C11orf65: variants seen among roughly 807,000 people sequenced by gnomAD.
C11orf65 encodes protein MFI.
A neutral mutation model predicts 35.3 loss-of-function variants in C11orf65; 38 were observed. The ratio of observed to expected loss-of-function variants is 1.08; its 90% CI spans 0.83 to 1.41. The LOEUF (loss-of-function observed/expected upper bound fraction) is 1.41, where lower values mean the gene tolerates loss of function less well. Ranked by LOEUF, C11orf65 falls within the 40% of genes most tolerant of loss-of-function variation. The pLI, the probability that C11orf65 is intolerant of heterozygous loss-of-function variation, is 0.00. For synonymous variants in C11orf65, 105 were observed against 114.4 expected (o/e 0.92, Z 0.53); for missense variants, 370 against 367.1 (o/e 1.01, Z -0.06).
intron 3 of C11orf65, chr11:108,331,746 CA>C: frequency 7.8e-7 from 1 of 1,282,576 alleles, no homozygotes; most frequent in Non-Finnish European, 1.1e-6. Context: ...CTTTTTCTCA[CA>C]CATGCAGGCA....
chr11:108,323,208 C>T (rs1565514475), intron 6 of C11orf65, among the ~76,000 whole-genome samples: 1 of 152,128 alleles, frequency 6.6e-6, no homozygotes, highest in Non-Finnish European at 1.5e-5. Flanking sequence ...AGAAGACATA[C>T]ATATTAATGT....
exon 7 of C11orf65, chr11:108,308,959 T>C: frequency 6.7e-7 from 1 of 1,485,088 alleles, no homozygotes; most frequent in African/African-American, 1.4e-5. Context: ...CTTTGAGTCA[T>C]TCATTTCAGA....
At chr11:108,378,724 C>A (rs535224761), downstream of C11orf65, among the ~76,000 whole-genome samples, 1,455 of 140,792 alleles carry the variant, frequency 0.01, 22 homozygotes, top group African/African-American at 0.039. Flanking sequence ...ATTTTCGCAA[C>A]CTACTCATCT....
downstream of C11orf65, among the ~76,000 whole-genome samples, chr11:108,382,152 G>C (rs1397589643): frequency 6.6e-6 from 1 of 152,192 alleles, no homozygotes; most frequent in Admixed American, 6.5e-5. Context: ...GAGACTTCAA[G>C]CCAGAGCCAC....
chr11:108,383,104 T>G lies in C11orf65; in HGVS notation c.859A>C (p.Ile287Leu). ...GGDISKMQMG[I>L]PDDTYYENVY... The stretch of plus-strand genomic sequence containing the variant: ...TTTTCATAGTAAGTATCATCTGGTA[T>G]TCCCATTTGCATCTTTGATATGTCT... The change falls in exon 9 of 9, where the codon ATA becomes CTA. Residue 287 changes from isoleucine (I) to leucine (L), a missense_variant. By Grantham distance (5) the Ile-to-Leu change is conservative. Transcript: ENST00000393084. 1 of 1,612,222 alleles carries G rather than the reference T, an allele frequency of 6.2e-7. No individual in the cohort carries two copies. Among genetic ancestry groups the G allele is most frequent in the Non-Finnish European group, 8.5e-7 (1 of 1,179,028 alleles).
intron 8 of C11orf65, 65 bp from the exon 9 acceptor site, chr11:108,383,240 A>G: frequency 7.5e-7 from 1 of 1,337,466 alleles, no homozygotes; most frequent in Non-Finnish European, 1.0e-6. Flanking sequence ...TCAAAATGCT[A>G]CTGTGTTGTG....
downstream of C11orf65, chr11:108,329,441 C>T (rs1454583542): frequency 3.5e-6 from 2 of 572,224 alleles, no homozygotes; most frequent in Non-Finnish European, 6.1e-6. Flanking sequence ...AGGTCTCACT[C>T]TGTCACCCAG....
At position 108,395,030 on chromosome 11, in the gene C11orf65, C is replaced by G. The variant is rs112013256; in HGVS notation, c.561-1652G>C. ...CCTGTAGTCCCAGCTACTGGGGAGG[C>G]GGAGGTGGGAGAATTGTTTGAGCCC... is the stretch of plus-strand genomic sequence containing the variant. On this transcript the variant is annotated intron_variant, in intron 6 of 8. Transcript: ENST00000393084. 1.3e-4 allele frequency among the ~76,000 whole-genome samples: 20 copies of G among 151,694 alleles called. 1 individual carries two copies. The highest frequency in any genetic ancestry group is 1.1e-3 in the Admixed American group (17 of 15,218).
intron 1 of C11orf65, 65 bp from the exon 2 acceptor site, chr11:108,461,633 T>C (rs2093474802): frequency 7.3e-6 from 8 of 1,089,798 alleles, no homozygotes; most frequent in African/African-American, 1.6e-5. Flanking sequence ...TTTTTATTTA[T>C]TTATTTTTTT....
intron 2 of C11orf65, among the ~76,000 whole-genome samples, chr11:108,372,087 A>T (rs2091589442): frequency 6.6e-6 from 1 of 152,244 alleles, no homozygotes; most frequent in Admixed American, 6.5e-5. Flanking sequence ...TCGTAACGTT[A>T]GGTTACTTGA....
intron 2 of C11orf65, among the ~76,000 whole-genome samples, chr11:108,370,291 C>T (rs1380797196): frequency 6.6e-6 from 1 of 151,708 alleles, no homozygotes; most frequent in African/African-American, 2.4e-5. Context: ...ATCCAGTAAC[C>T]ACAGTAAGCT....
rs756181210 is a variant in C11orf65 at position 108,332,863 on chromosome 11, A to G, written c.300-1296T>C. ...CACTTTGTGATGCTTATATTATATTAGCAAACTTAGATGCCACTCAGTGGA... is the reference window on the plus strand; with the variant it reads ...CACTTTGTGATGCTTATATTATATTGGCAAACTTAGATGCCACTCAGTGGA... On this transcript the variant is annotated intron_variant, in intron 3 of 3. Transcript: ENST00000524755. 8 of 1,613,140 alleles carry G rather than the reference A, an allele frequency of 5.0e-6. No individual in the cohort carries two copies. The African/African-American group carries it at 8.0e-5, about 16-fold the overall frequency.
chr11:108,394,179 CAA>C (rs11387098), intron 6 of C11orf65, among the ~76,000 whole-genome samples: 2 of 82,644 alleles, frequency 2.4e-5, no homozygotes, highest in African/African-American at 1.2e-4. Context: ...GACTCCATCT[CAA>C]AAAAAAAAAA....
downstream of C11orf65, chr11:108,331,264 G>A (rs2086203800): frequency 3.0e-6 from 4 of 1,353,292 alleles, no homozygotes; most frequent in Non-Finnish European, 3.8e-6. Flanking sequence ...TTAATCTAGA[G>A]TACCCATTAG....
chr11:108,409,275 T>C (rs1049511513), intron 3 of C11orf65, among the ~76,000 whole-genome samples: 1 of 152,222 alleles, frequency 6.6e-6, no homozygotes, highest in East Asian at 1.9e-4. Flanking sequence ...TAGTTTTGGG[T>C]TAAAATGAAT....
chr11:108,450,834 G>A (rs1010369580), intron 2 of C11orf65, among the ~76,000 whole-genome samples: 4 of 151,782 alleles, frequency 2.6e-5, no homozygotes, highest in Non-Finnish European at 5.9e-5. Flanking sequence ...TCATCCCTGG[G>A]ATGCAAGGCT....
At position 108,413,247 on chromosome 11, in the gene C11orf65, A is replaced by G. The variant is rs185117446; in HGVS notation, c.175-6098T>C. Among the ~76,000 whole-genome samples, 11 of 152,362 alleles carry G rather than the reference A, an allele frequency of 7.2e-5. No individual in the cohort carries two copies. The East Asian group carries it at 1.9e-3, about 27-fold the overall frequency. ...TGTGCAATTTTGTTACATGCATAGA[A>G]TGCAGAGTGGTCAAGTCAGGGCTTT... On this transcript the variant is annotated intron_variant, in intron 3 of 8. Coordinates refer to ENST00000393084, the MANE Select transcript of C11orf65 (RefSeq NM_152587.5).
At chr11:108,424,258 TACAC>T (rs1292623582) in intron 3 of C11orf65, among the ~76,000 whole-genome samples, 9 of 152,076 alleles carry the variant, frequency 5.9e-5, no homozygotes, top group Non-Finnish European at 1.5e-5. Context: ...TTGTGAAGGA[TACAC>T]AAGTATCAAT....
intron 2 of C11orf65, chr11:108,367,769 T>C (rs1215084396): frequency 4.6e-6 from 1 of 216,226 alleles, no homozygotes; most frequent in African/African-American, 2.3e-5. Flanking sequence ...AATTTCTTGG[T>C]TTGACTTCTG....
Sources: allele counts gnomAD v4.1 joint callset (sites outside exome capture counted in the v4.1 genomes callset), GRCh38; gene constraint gnomAD v4.1.1; transcripts MANE v1.5; gene names NCBI Gene and HGNC (gene_info 2026-07-23, HGNC 2026-07-21).